SLC47A1: variants seen among roughly 807,000 people sequenced by gnomAD.
SLC47A1 encodes multidrug and toxin extrusion protein 1.
A neutral mutation model predicts 65.8 loss-of-function variants in SLC47A1; 58 were observed. The observed-to-expected ratio is 0.88, with a 90% CI of 0.71 to 1.10. The LOEUF (loss-of-function observed/expected upper bound fraction) is 1.10, where lower values mean the gene tolerates loss of function less well. Ranked by LOEUF, SLC47A1 falls within the 50% of genes least tolerant of loss-of-function variation. The probability of loss-of-function intolerance (pLI) is 0.00; values close to 1 mark genes in which losing one functional copy is unlikely to be tolerated. For synonymous variants in SLC47A1, 285 were observed against 295.0 expected (o/e 0.97, Z 0.35); for missense variants, 706 against 719.2 (o/e 0.98, Z 0.21).
chr17:19,550,103 G>A (rs555854397), intron 5 of SLC47A1, among the ~76,000 whole-genome samples: 6 of 152,214 alleles, frequency 3.9e-5, no homozygotes, highest in Admixed American at 6.5e-5. Flanking sequence ...AACAATGAGA[G>A]CTAAGTGGTT....
chr17:19,555,585 C>T lies in SLC47A1; in HGVS notation c.642-8C>T, dbSNP rs1916580186. The T allele has an allele frequency of 1.2e-6, 2 of 1,613,826 alleles. No individual in the cohort carries two copies. Among genetic ancestry groups the T allele is most frequent in the South Asian group, 2.2e-5 (2 of 91,060 alleles). On this transcript the variant is annotated splice_polypyrimidine_tract_variant and splice_region_variant and intron_variant, in intron 7 of 16. Coordinates refer to ENST00000270570, the MANE Select transcript of SLC47A1 (RefSeq NM_018242.3). Reference sequence around the variant, plus strand: ...GTACCTCCCTCTCATTGGGACTGTTCTTTCCAGAGGCTCTGCACTGGCAAA... The same window carrying T: ...GTACCTCCCTCTCATTGGGACTGTTTTTTCCAGAGGCTCTGCACTGGCAAA...
At chr17:19,548,369 C>A (rs1343131063) in intron 4 of SLC47A1, among the ~76,000 whole-genome samples, 1 of 152,098 alleles carries the variant, frequency 6.6e-6, no homozygotes, top group African/African-American at 2.4e-5. Flanking sequence ...TTTGCAAGCA[C>A]CCTCCATGTG....
At chr17:19,564,327 G>A (rs1470319308) in intron 12 of SLC47A1, among the ~76,000 whole-genome samples, 2 of 152,036 alleles carry the variant, frequency 1.3e-5, no homozygotes, top group East Asian at 3.8e-4. Flanking sequence ...CTCCAGCCTG[G>A]GTGACAGTGA....
In SLC47A1 at chr17:19,560,248, G is replaced by C; in HGVS notation, c.982G>C (p.Asp328His). Residue 328 changes from aspartate (D) to histidine (H), a missense_variant, in exon 11 of 17, where the codon GAC (aspartate) becomes CAC (histidine). Asp to His is a moderately conservative substitution (Grantham distance 81). Coordinates refer to ENST00000270570, the MANE Select transcript of SLC47A1 (RefSeq NM_018242.3). The part of the protein sequence containing the change: ...VRVGNALGAG[D>H]MEQARKSSTV... ...GGTAGGAAACGCTCTGGGTGCTGGAGACATGGAGCAGGCACGGAAGTCCTC... is the reference window on the plus strand; with the variant it reads ...GGTAGGAAACGCTCTGGGTGCTGGACACATGGAGCAGGCACGGAAGTCCTC... The C allele has an allele frequency of 6.2e-7, 1 of 1,613,826 alleles. No homozygotes were observed. The highest frequency in any genetic ancestry group is 8.5e-7 in the Non-Finnish European group (1 of 1,180,014).
Position 19,555,595 on chromosome 17 carries a change from GCT to G in SLC47A1, c.647_648del (p.Ser216CysfsTer62). On this transcript the variant is annotated frameshift_variant, in exon 8 of 17. Coordinates refer to ENST00000270570, the MANE Select transcript of SLC47A1 (RefSeq NM_018242.3). LOFTEE classifies it high-confidence loss of function. The stretch of plus-strand genomic sequence containing the variant: ...CTCATTGGGACTGTTCTTTCCAGAG[GCT>G]CTGCACTGGCAAACTTGATTTCCCA... 3 of 1,614,058 alleles carry G rather than the reference GCT, an allele frequency of 1.9e-6. No homozygotes were observed. Among genetic ancestry groups the G allele is most frequent in the Non-Finnish European group, 2.5e-6 (3 of 1,179,980 alleles).
At position 19,549,679 on chromosome 17, in the gene SLC47A1, T is replaced by C. The variant is rs993545964; in HGVS notation, c.498+2T>C. 8.7e-6 allele frequency: 14 copies of C among 1,614,194 alleles called. No individual in the cohort carries two copies. The highest frequency in any genetic ancestry group is 1.2e-5 in the Non-Finnish European group (14 of 1,180,004). On this transcript the variant is annotated splice_donor_variant, in intron 5 of 16. Transcript: ENST00000270570. LOFTEE classifies it high-confidence loss of function. ...ACGATCTTCATTCCAGCTCTTCCTG[T>C]AAGTGCTCAAGGGCTAAGAGATTCC... is the stretch of plus-strand genomic sequence containing the variant.
intron 10 of SLC47A1, among the ~76,000 whole-genome samples, chr17:19,559,939 A>T (rs1010029966): frequency 6.6e-6 from 1 of 151,990 alleles, no homozygotes; most frequent in African/African-American, 2.4e-5. Flanking sequence ...GTTGTGCAGC[A>T]CCCTCATGTC....
At chr17:19,571,824 G>T (rs1240234390) in intron 15 of SLC47A1, among the ~76,000 whole-genome samples, 1 of 152,178 alleles carries the variant, frequency 6.6e-6, no homozygotes, top group East Asian at 1.9e-4. Flanking sequence ...TCACCCTTGT[G>T]CAGGAAAATC....
rs189432455 is a variant in SLC47A1, at chr17:19,566,770, G to A, written c.1107-20G>A. 16 of 1,613,028 alleles carry A rather than the reference G, an allele frequency of 9.9e-6. No individual in the cohort carries two copies. Among genetic ancestry groups the A allele is most frequent in the Admixed American group, 8.3e-5 (5 of 59,990 alleles). Reference sequence around the variant, plus strand: ...CTCCACTTTGTCTCCTAATCACCACGTGCTTTATTTTCCTAACAGAGACAT... The same window carrying A: ...CTCCACTTTGTCTCCTAATCACCACATGCTTTATTTTCCTAACAGAGACAT... On this transcript the variant is annotated intron_variant, in intron 12 of 16. Transcript: ENST00000270570.
intron 2 of SLC47A1, among the ~76,000 whole-genome samples, chr17:19,542,799 T>G (rs1031385104): frequency 1.3e-5 from 2 of 151,052 alleles, no homozygotes; most frequent in Non-Finnish European, 3.0e-5. Flanking sequence ...TTTGTTGTTT[T>G]TTTTTTTTTT....
At chr17:19,556,559 ATT>A (rs35618722) in intron 10 of SLC47A1, among the ~76,000 whole-genome samples, 3 of 141,032 alleles carry the variant, frequency 2.1e-5, no homozygotes, top group African/African-American at 2.6e-5. Flanking sequence ...TCTTAAAGGG[ATT>A]TTTTTTTTTT....
chr17:19,556,128 T>TA, intron 10 of SLC47A1, 66 bp downstream of exon 10: 2 of 1,545,436 alleles, frequency 1.3e-6, no homozygotes, highest in South Asian at 2.2e-5. Flanking sequence ...TGAAAGAGTC[T>TA]ATGGATGAGC....
chr17:19,575,568 CTT>C (rs1442011400), intron 16 of SLC47A1, among the ~76,000 whole-genome samples: 3 of 151,990 alleles, frequency 2.0e-5, no homozygotes, highest in African/African-American at 7.2e-5. Flanking sequence ...TCAGCTAACT[CTT>C]TAATATTTTT....
At chr17:19,572,265 C>G (rs967009362) in intron 15 of SLC47A1, among the ~76,000 whole-genome samples, 2 of 152,138 alleles carry the variant, frequency 1.3e-5, no homozygotes, top group Non-Finnish European at 2.9e-5. Context: ...ATCCCACCTT[C>G]CCTTTCATGG....
chr17:19,578,011 C>A lies in SLC47A1; in HGVS notation c.*458C>A, dbSNP rs1476071337. 2 of 1,256,830 alleles carry A rather than the reference C, an allele frequency of 1.6e-6. No homozygotes were observed. Among genetic ancestry groups the A allele is most frequent in the African/African-American group, 1.5e-5 (1 of 64,906 alleles). 77.9% of individuals were successfully genotyped at this position (1,256,830 alleles called of 1,614,324 possible). A position where few individuals can be genotyped will look rare whatever the true frequency, so the allele number is the denominator to read the frequency against. ...AATTTTTTTTTTAATAGACGGAAGT[C>A]TTGCTCTGTCATGCAGGCTGGAGTG... On this transcript the variant is annotated 3_prime_UTR_variant, in exon 17 of 17. Coordinates refer to ENST00000270570, the MANE Select transcript of SLC47A1 (RefSeq NM_018242.3).
Position 19,534,236 on chromosome 17 carries a change from C to T in SLC47A1, c.135+162C>T, listed in dbSNP as rs573255618. 116 of 890,342 alleles carry T rather than the reference C, an allele frequency of 1.3e-4. 1 individual carries two copies. In the East Asian group the frequency reaches 3.3e-3, roughly 25 times the overall value. 55.2% of individuals were successfully genotyped at this position (890,342 alleles called of 1,614,324 possible). On this transcript the variant is annotated intron_variant, in intron 1 of 16. Transcript: ENST00000270570. Reference sequence around the variant, plus strand: ...AGGAGCCGGGCGGGCACCCCAGCTCCTCTGCCTGCGTCCCGGCCGCTTTCC... The same window carrying T: ...AGGAGCCGGGCGGGCACCCCAGCTCTTCTGCCTGCGTCCCGGCCGCTTTCC...
chr17:19,542,734 T>C (rs1567966031), intron 2 of SLC47A1, among the ~76,000 whole-genome samples: 1 of 151,878 alleles, frequency 6.6e-6, no homozygotes, highest in Non-Finnish European at 1.5e-5. Context: ...TGGGGACATC[T>C]GGGGGGGCAT....
chr17:19,571,984 T>C (rs1454926510), intron 15 of SLC47A1, among the ~76,000 whole-genome samples: 2 of 152,034 alleles, frequency 1.3e-5, no homozygotes, highest in Non-Finnish European at 1.5e-5. Flanking sequence ...GGTCTAGAAA[T>C]AGGTGGTAGA....
chr17:19,541,407 T>G (rs755631632), intron 1 of SLC47A1, among the ~76,000 whole-genome samples: 1 of 151,880 alleles, frequency 6.6e-6, no homozygotes, highest in African/African-American at 2.4e-5. Flanking sequence ...GTCTAGTGGG[T>G]GGGGGGCAGG....
Sources: gnomAD v4.1 joint callset for allele counts (sites outside exome capture counted in the v4.1 genomes callset) on GRCh38, gnomAD v4.1.1 for gene constraint, MANE v1.5 for transcripts, NCBI Gene and HGNC (gene_info 2026-07-23, HGNC 2026-07-21) for gene names.